PDE4D: variants seen among roughly 807,000 people sequenced by gnomAD.
The protein encoded by PDE4D is phosphodiesterase 4D, also known as 3',5'-cyclic-AMP phosphodiesterase 4D.
In PDE4D, 24 loss-of-function variants were observed where a neutral mutation model predicts 87.4. The ratio of observed to expected loss-of-function variants is 0.27; its 90% CI spans 0.20 to 0.39. The LOEUF is 0.39. Among genes scored for constraint, PDE4D ranks in the 10% least tolerant of loss-of-function variants. PDE4D has a pLI of 1.00. For synonymous variants in PDE4D, 384 were observed against 383.2 expected (o/e 1.00, Z -0.02); for missense variants, 714 against 1,041.0 (o/e 0.69, Z 4.32).
intron 1 of PDE4D, among the ~76,000 whole-genome samples, chr5:59,757,244 G>T (rs1420042935): frequency 3.9e-5 from 6 of 152,130 alleles, no homozygotes; most frequent in African/African-American, 1.4e-4. Context: ...ACCCAATGAA[G>T]GTAGGTAGTT....
At position 59,367,618 on chromosome 5, in the gene PDE4D, A is replaced by T. The variant is rs1011400623; in HGVS notation, c.456-151650T>A. On this transcript the variant is annotated intron_variant, in intron 1 of 14. Coordinates refer to ENST00000340635, the MANE Select transcript of PDE4D (RefSeq NM_001104631.2). ...GATATTTTACACATTGGTGAGATGT[A>T]AAGTAGTGAGAGAGAAGTCCTGAGA... Among the ~76,000 whole-genome samples the T allele has an allele frequency of 9.2e-5, 14 of 152,230 alleles. 1 individual carries two copies. Among genetic ancestry groups the T allele is most frequent in the South Asian group, 2.1e-4 (1 of 4,836 alleles).
exon 2 of PDE4D, chr5:60,185,599 C>G (rs1472466392): frequency 1.3e-6 from 2 of 1,528,358 alleles, no homozygotes; most frequent in African/African-American, 2.7e-5. Flanking sequence ...TTCTTTTCAT[C>G]GTGGTGTTTT....
chr5:59,491,133 T>G (rs1472355991), intron 1 of PDE4D, among the ~76,000 whole-genome samples: 1 of 152,226 alleles, frequency 6.6e-6, no homozygotes, highest in East Asian at 1.9e-4. Context: ...TAGTTACTCT[T>G]GGGAGATGAT....
intron 5 of PDE4D, among the ~76,000 whole-genome samples, chr5:59,177,396 C>T (rs1784069258): frequency 6.6e-6 from 1 of 152,114 alleles, no homozygotes; most frequent in Admixed American, 6.5e-5. Context: ...ATACAGTGGG[C>T]CCTAGAAACA....
intron 1 of PDE4D, among the ~76,000 whole-genome samples, chr5:59,736,832 A>C (rs1328577798): frequency 2.0e-5 from 3 of 152,214 alleles, no homozygotes; most frequent in African/African-American, 7.2e-5. Flanking sequence ...AAACATTCCA[A>C]ATATCTAACA....
chr5:59,419,014 T>C (rs1019541289), intron 1 of PDE4D, among the ~76,000 whole-genome samples: 1 of 152,176 alleles, frequency 6.6e-6, no homozygotes, highest in Non-Finnish European at 1.5e-5. Context: ...CTCAGTTTTC[T>C]TATCAGTTGA....
chr5:59,381,283 G>T (rs926688978), intron 1 of PDE4D, among the ~76,000 whole-genome samples: 2 of 151,956 alleles, frequency 1.3e-5, no homozygotes, highest in African/African-American at 4.8e-5. Flanking sequence ...CCGTTCTGAT[G>T]ACTTCGATAT....
At chr5:59,773,840 G>A (rs1763816222) in intron 1 of PDE4D, among the ~76,000 whole-genome samples, 1 of 152,082 alleles carries the variant, frequency 6.6e-6, no homozygotes, top group African/African-American at 2.4e-5. Flanking sequence ...TACTGGGCTA[G>A]TAGGCAGAGA....
chr5:59,837,450 G>T (rs1379404864), intron 1 of PDE4D, among the ~76,000 whole-genome samples: 4 of 152,042 alleles, frequency 2.6e-5, no homozygotes, highest in African/African-American at 9.7e-5. Context: ...TGTTCAGTCT[G>T]TCATCTAGAA....
At chr5:60,179,187 A>G (rs1030331839) in intron 2 of PDE4D, among the ~76,000 whole-genome samples, 1 of 152,102 alleles carries the variant, frequency 6.6e-6, no homozygotes, top group Non-Finnish European at 1.5e-5. Context: ...GGCGTATGAC[A>G]TATCCTGGGT....
At chr5:59,553,155 C>T (rs294479) in intron 1 of PDE4D, among the ~76,000 whole-genome samples, 129,156 of 152,030 alleles carry the variant, frequency 0.85, 55,103 homozygotes, top group South Asian at 0.92. Flanking sequence ...CAAGAAGGCA[C>T]AATTTAATCA....
intron 5 of PDE4D, among the ~76,000 whole-genome samples, chr5:59,055,991 A>C (rs535576112): frequency 1.3e-5 from 2 of 152,334 alleles, no homozygotes; most frequent in Non-Finnish European, 2.9e-5. Context: ...GAACAAATGC[A>C]GTGATTTCAA....
intron 1 of PDE4D, among the ~76,000 whole-genome samples, chr5:59,823,675 C>T (rs1393818995): frequency 6.6e-6 from 1 of 152,014 alleles, no homozygotes; most frequent in Non-Finnish European, 1.5e-5. Context: ...TAGTTTCTGG[C>T]TGCACTTCAA....
At chr5:59,277,969 A>G (rs750785655) in intron 1 of PDE4D, among the ~76,000 whole-genome samples, 13 of 152,286 alleles carry the variant, frequency 8.5e-5, no homozygotes, top group African/African-American at 2.9e-4. Flanking sequence ...AACAAACTTA[A>G]GTGGGGAATC....
chr5:59,841,159 G>A (rs1218961521), intron 1 of PDE4D, among the ~76,000 whole-genome samples: 1 of 152,104 alleles, frequency 6.6e-6, no homozygotes, highest in Non-Finnish European at 1.5e-5. Context: ...ATGAAGGACA[G>A]TGGGGACTTC....
intron 1 of PDE4D, among the ~76,000 whole-genome samples, chr5:59,804,269 A>G (rs1767490895): frequency 6.6e-6 from 1 of 152,142 alleles, no homozygotes; most frequent in African/African-American, 2.4e-5. Context: ...TGAAAACATG[A>G]TATTTGGTTT....
chr5:59,980,640 T>TGTG (rs1421494678), intron 3 of PDE4D, among the ~76,000 whole-genome samples: 1 of 152,194 alleles, frequency 6.6e-6, no homozygotes, highest in Non-Finnish European at 1.5e-5. Flanking sequence ...AGTAAAATAC[T>TGTG]GTGGTATAGT....
chr5:59,879,661 G>C (rs918625116), intron 1 of PDE4D, among the ~76,000 whole-genome samples: 1 of 152,208 alleles, frequency 6.6e-6, no homozygotes, highest in African/African-American at 2.4e-5. Context: ...CAAATGCTTA[G>C]ACACAAACGG....
chr5:59,439,941 A>G (rs1797344297), intron 1 of PDE4D, among the ~76,000 whole-genome samples: 1 of 152,258 alleles, frequency 6.6e-6, no homozygotes, highest in Non-Finnish European at 1.5e-5. Flanking sequence ...AATACCTTCA[A>G]TAGATATTAG....
Sources: allele counts gnomAD v4.1 joint callset (sites outside exome capture counted in the v4.1 genomes callset), GRCh38; gene constraint gnomAD v4.1.1; transcripts MANE v1.5; gene names NCBI Gene and HGNC (gene_info 2026-07-23, HGNC 2026-07-21).